Variants in ZFHX3 observed in about 807,000 individuals in gnomAD.
ZFHX3 encodes zinc finger homeobox protein 3.
ZFHX3 carries 42 observed loss-of-function variants against 279.1 expected under a neutral mutation model. The observed-to-expected ratio is 0.15, with a 90% CI of 0.12 to 0.19. ZFHX3 has a LOEUF of 0.19. Ranked by LOEUF, ZFHX3 falls within the 10% of genes least tolerant of loss-of-function variation. The pLI is 1.00. For missense variants in ZFHX3, 4,981 were observed against 4,754.0 expected (o/e 1.05, Z -1.40); for synonymous variants, 2,293 against 1,957.8 (o/e 1.17, Z -4.52).
intron 5 of ZFHX3, chr16:73,233,792 T>G (rs966215409): frequency 3.3e-5 from 5 of 152,232 alleles, no homozygotes; most frequent in African/African-American, 7.2e-5. Flanking sequence ...TTGGGGCTCT[T>G]TAAGGATTTC....
At chr16:73,821,503 G>C (rs969737157) in intron 1 of ZFHX3, among the ~76,000 whole-genome samples, 1 of 152,318 alleles carries the variant, frequency 6.6e-6, no homozygotes, top group East Asian at 1.9e-4. Context: ...AAGCCTCAGA[G>C]TTCTCAGCTG....
intron 4 of ZFHX3, among the ~76,000 whole-genome samples, chr16:73,308,257 A>G (rs938712986): frequency 2.5e-4 from 7 of 28,086 alleles, no homozygotes; most frequent in Admixed American, 6.2e-4. Context: ...ATATATATAT[A>G]TATATATATA....
intron 3 of ZFHX3, among the ~76,000 whole-genome samples, chr16:72,914,761 C>A (rs1323412968): frequency 1.3e-5 from 2 of 152,108 alleles, no homozygotes; most frequent in Non-Finnish European, 2.9e-5. Flanking sequence ...GGGGCTGAGG[C>A]AGGCAGGTCA....
At chr16:73,012,537 G>A (rs1482736082) in intron 1 of ZFHX3, among the ~76,000 whole-genome samples, 1 of 152,024 alleles carries the variant, frequency 6.6e-6, no homozygotes, top group Non-Finnish European at 1.5e-5. Flanking sequence ...CCCACGGCCG[G>A]TGCCCAACGG....
intron 1 of ZFHX3, among the ~76,000 whole-genome samples, chr16:73,854,363 T>G (rs328309): frequency 0.013 from 1,954 of 152,008 alleles, 47 homozygotes; most frequent in African/African-American, 0.043. Flanking sequence ...TCGCCTCTAC[T>G]AAAAAATACA....
intron 3 of ZFHX3, among the ~76,000 whole-genome samples, chr16:72,941,597 C>A (rs935266718): frequency 1.3e-5 from 2 of 152,030 alleles, no homozygotes; most frequent in African/African-American, 2.4e-5. Flanking sequence ...GGTAGGAGGA[C>A]CACTTGAGCC....
intron 8 of ZFHX3, among the ~76,000 whole-genome samples, chr16:73,089,217 C>T (rs1966043811): frequency 6.6e-6 from 1 of 152,160 alleles, no homozygotes; most frequent in South Asian, 2.1e-4. Flanking sequence ...AATTCTCCTG[C>T]TTCAGCCTCC....
chr16:73,070,902 TC>T (rs1965815635), intron 8 of ZFHX3, among the ~76,000 whole-genome samples: 1 of 139,864 alleles, frequency 7.1e-6, no homozygotes, highest in Non-Finnish European at 1.5e-5. Context: ...GCGGGCTGGT[TC>T]CTAGACCGTC....
intron 2 of ZFHX3, among the ~76,000 whole-genome samples, chr16:73,536,816 C>T (rs2019910218): frequency 6.6e-6 from 1 of 152,040 alleles, no homozygotes; most frequent in African/African-American, 2.4e-5. Context: ...ACAGGAGGAA[C>T]TAATCTGCTG....
intron 3 of ZFHX3, among the ~76,000 whole-genome samples, chr16:73,384,306 G>A (rs1316945616): frequency 6.6e-6 from 1 of 152,148 alleles, no homozygotes; most frequent in African/African-American, 2.4e-5. Flanking sequence ...AGATCATATG[G>A]GCTGCAAAGC....
Position 72,788,060 on chromosome 16 carries a change from C to CG in ZFHX3, c.10215dup (p.Gly3406ArgfsTer25), listed in dbSNP as rs762108866. The CG allele has an allele frequency of 6.2e-6, 10 of 1,610,540 alleles. No homozygotes were observed. Among genetic ancestry groups the CG allele is most frequent in the East Asian group, 2.2e-5 (1 of 44,846 alleles). On this transcript the variant is annotated frameshift_variant, in exon 10 of 10. Transcript: ENST00000268489. LOFTEE classifies it high-confidence loss of function. ...GGGTCTTTGTCTGGGGAAGGAGCCC[C>CG]GGGGGGGACTGGGGTTTGGCTTGCT...
intron 2 of ZFHX3, among the ~76,000 whole-genome samples, chr16:73,469,707 G>A (rs1383977119): frequency 6.6e-6 from 1 of 151,842 alleles, no homozygotes; most frequent in Non-Finnish European, 1.5e-5. Flanking sequence ...AACCTCTGCT[G>A]CCCAGGTTCA....
chr16:73,468,784 T>C (rs2018614823), intron 2 of ZFHX3, among the ~76,000 whole-genome samples: 1 of 152,046 alleles, frequency 6.6e-6, no homozygotes, highest in South Asian at 2.1e-4. Flanking sequence ...AAGATTTGAG[T>C]TTTTCTCAAA....
chr16:73,329,651 G>C (rs1180356961), intron 3 of ZFHX3, among the ~76,000 whole-genome samples: 2 of 152,198 alleles, frequency 1.3e-5, no homozygotes, highest in Admixed American at 6.5e-5. Context: ...AAACCCTACA[G>C]ATAGTCAGAG....
At chr16:73,529,612 G>A (rs2019758225) in intron 2 of ZFHX3, among the ~76,000 whole-genome samples, 1 of 152,094 alleles carries the variant, frequency 6.6e-6, no homozygotes, top group African/African-American at 2.4e-5. Flanking sequence ...CTTGTCCAGG[G>A]GACAAATGGG....
chr16:73,511,564 A>C (rs2143688609), intron 2 of ZFHX3, among the ~76,000 whole-genome samples: 1 of 152,352 alleles, frequency 6.6e-6, no homozygotes, highest in South Asian at 2.1e-4. Flanking sequence ...GACTTCTGTT[A>C]ACTGTTTTTG....
chr16:72,847,281 A>G (rs984136373), intron 4 of ZFHX3, among the ~76,000 whole-genome samples: 2 of 152,180 alleles, frequency 1.3e-5, no homozygotes, highest in African/African-American at 4.8e-5. Flanking sequence ...GTTGTAGAAG[A>G]AAGTCTGCTC....
chr16:73,103,369 C>A (rs1039402997), intron 7 of ZFHX3, among the ~76,000 whole-genome samples: 1 of 152,086 alleles, frequency 6.6e-6, no homozygotes, highest in Non-Finnish European at 1.5e-5. Flanking sequence ...CCAGACTCTG[C>A]CTCTTCCTTC....
Position 73,726,465 on chromosome 16 carries a change from G to A in ZFHX3, c.-1607-46225C>T, listed in dbSNP as rs117163964. Among the ~76,000 whole-genome samples, 790 of 152,276 alleles carry A rather than the reference G, an allele frequency of 5.2e-3. 6 individuals are homozygous for A. The highest frequency in any genetic ancestry group is 3.8e-3 in the Non-Finnish European group (256 of 68,034). ...GGATTGTCCTATGCACTGGGGGTTTGTCCTACGCATTGTAGGATGTTTAAA... is the reference window on the plus strand; with the variant it reads ...GGATTGTCCTATGCACTGGGGGTTTATCCTACGCATTGTAGGATGTTTAAA... On this transcript the variant is annotated intron_variant, in intron 1 of 17. Coordinates refer to the ZFHX3 transcript ENST00000641206.
Sources: gnomAD v4.1 joint callset for allele counts (sites outside exome capture counted in the v4.1 genomes callset) on GRCh38, gnomAD v4.1.1 for gene constraint, MANE v1.5 for transcripts, NCBI Gene and HGNC (gene_info 2026-07-23, HGNC 2026-07-21) for gene names.